Variants in HSPG2 observed in about 807,000 individuals in gnomAD.
HSPG2 encodes the protein heparan sulfate proteoglycan 2.
A neutral mutation model predicts 526.6 loss-of-function variants in HSPG2; 278 were observed. The ratio of observed to expected loss-of-function variants is 0.53; its 90% CI spans 0.48 to 0.58. HSPG2 has a LOEUF of 0.58. Among genes scored for constraint, HSPG2 ranks in the 20% least tolerant of loss-of-function variants. HSPG2 has a pLI of 0.00. For missense variants in HSPG2, 5,354 were observed against 6,099.5 expected (o/e 0.88, Z 4.07); for synonymous variants, 2,465 against 2,555.4 (o/e 0.96, Z 1.07).
chr1:21,861,892 C>T lies in HSPG2; in HGVS notation c.4869-49G>A, dbSNP rs1002890119. 56 of 1,613,376 alleles carry T rather than the reference C, an allele frequency of 3.5e-5. No individual in the cohort carries two copies. In the Middle Eastern group the frequency reaches 4.9e-4, roughly 14 times the overall value. ...AGGTCATGGGAAGCCCAATCTCCAT[C>T]TTGCTCCCTTCACTTCTGCCCCAAA... On this transcript the variant is annotated intron_variant, in intron 38 of 96. Coordinates refer to ENST00000374695, the MANE Select transcript of HSPG2 (RefSeq NM_005529.7).
At chr1:21,832,458 C>T (rs773540497) in intron 81 of HSPG2, 37 bp downstream of exon 81, 10 of 1,526,260 alleles carry the variant, frequency 6.6e-6, no homozygotes, top group African/African-American at 2.7e-5. Context: ...AGCCCTGTGT[C>T]CAGTCCCCCT....
intron 81 of HSPG2, 75 bp from the exon 82 acceptor site, chr1:21,831,871 T>G (rs1572157480): frequency 6.9e-7 from 1 of 1,456,338 alleles, no homozygotes; most frequent in Non-Finnish European, 9.3e-7. Flanking sequence ...CCCAGTTGGG[T>G]AGAGGGGTCC....
Position 21,850,029 on chromosome 1 carries a change from C to T in HSPG2, c.7446+12G>A. The T allele has an allele frequency of 2.5e-6, 4 of 1,612,594 alleles. No homozygotes were observed. The highest frequency in any genetic ancestry group is 3.4e-6 in the Non-Finnish European group (4 of 1,179,990). ...CAGGGTCCTTCAGGCTTCCTGAGCT[C>T]CTGCCTCCTACCTGGTGCCGGGCCG... On this transcript the variant is annotated intron_variant, in intron 57 of 96. Coordinates refer to ENST00000374695, the MANE Select transcript of HSPG2 (RefSeq NM_005529.7).
chr1:21,904,913 G>A lies in HSPG2; in HGVS notation c.64-8603C>T, dbSNP rs1643287874. On this transcript the variant is annotated intron_variant, in intron 1 of 96. Coordinates refer to ENST00000374695, the MANE Select transcript of HSPG2 (RefSeq NM_005529.7). This position sits in a 1 kb window ranked among gnomAD's most constrained non-coding sequence, Gnocchi z 4.4. Reference sequence around the variant, plus strand: ...AGGGCACACCAACCTGGTTGGGCCTGCCCATACCCTCCTGGGTCACTGCCC... The same window carrying A: ...AGGGCACACCAACCTGGTTGGGCCTACCCATACCCTCCTGGGTCACTGCCC... 6.6e-6 allele frequency among the ~76,000 whole-genome samples: 1 copy of A among 152,180 alleles called. No individual in the cohort carries two copies. Among genetic ancestry groups the A allele is most frequent in the Admixed American group, 6.5e-5 (1 of 15,278 alleles).
chr1:21,851,157 G>C (rs1638862107), intron 55 of HSPG2, among the ~76,000 whole-genome samples: 1 of 152,084 alleles, frequency 6.6e-6, no homozygotes, highest in Non-Finnish European at 1.5e-5. Context: ...ATTTTTAATA[G>C]AGATGGGGTT....
Position 21,844,284 on chromosome 1 carries a change from G to T in HSPG2, c.8480C>A (p.Pro2827Gln). 6.2e-7 allele frequency: 1 copy of T among 1,613,126 alleles called. No individual in the cohort carries two copies. Among genetic ancestry groups the T allele is most frequent in the Non-Finnish European group, 8.5e-7 (1 of 1,179,686 alleles). ...GGAGGAGGGCTCGATGCGGATGGGT[G>T]GGGCTCCACCTGGGGCTGGGGCACA... ...AVHVPAPGGA[P>Q]PIRIEPSSSR... The change falls in exon 65 of 97, where the codon CCA (proline) becomes CAA (glutamine). Residue 2827 changes from proline to glutamine, a missense_variant. Coordinates refer to ENST00000374695, the MANE Select transcript of HSPG2 (RefSeq NM_005529.7).
At position 21,862,098 on chromosome 1, in the gene HSPG2, G is replaced by T; in HGVS notation, c.4758C>A (p.Ala1586=). The T allele has an allele frequency of 6.2e-7, 1 of 1,613,266 alleles. No individual in the cohort carries two copies. ...CACAAAGCTCGCAGAACTCCCCTGC[G>T]GCGTTGTGCTGGCATTGCTGCAGGG... ...TGACSQCQHN[A]AGEFCELCAP... is the part of the protein sequence containing the mutation. The change falls in exon 38 of 97, where the codon GCC becomes GCA. Residue 1586 remains alanine (A), a synonymous_variant. Transcript: ENST00000374695.
chr1:21,892,114 A>G (rs552300064), intron 3 of HSPG2, among the ~76,000 whole-genome samples: 1 of 152,378 alleles, frequency 6.6e-6, no homozygotes, highest in South Asian at 2.1e-4. Flanking sequence ...TACTCTGTCC[A>G]TCAGGCCCGC....
At chr1:21,845,027 CATGA>C (rs1191439933) in intron 64 of HSPG2, among the ~76,000 whole-genome samples, 1 of 152,202 alleles carries the variant, frequency 6.6e-6, no homozygotes, top group Non-Finnish European at 1.5e-5. Flanking sequence ...CTGGGCGGAT[CATGA>C]GGTCAGGAGT....
At chr1:21,873,268 A>G in intron 30 of HSPG2, 107 bp downstream of exon 30, 1 of 1,358,902 alleles carries the variant, frequency 7.4e-7, no homozygotes, top group African/African-American at 1.4e-5. Context: ...CAGATGAAGA[A>G]ACAGGCTCGG....
In HSPG2 at chr1:21,846,103, C is replaced by T; in HGVS notation, c.8464+5G>A. 2.5e-6 allele frequency: 4 copies of T among 1,612,296 alleles called. No homozygotes were observed. Among genetic ancestry groups the T allele is most frequent in the Admixed American group, 1.7e-5 (1 of 60,028 alleles). ...GCCTTCCCGTCCCACTGCAGGGACCCTCACCGGGGACGTGGACAGCACTTG... is the reference window on the plus strand; with the variant it reads ...GCCTTCCCGTCCCACTGCAGGGACCTTCACCGGGGACGTGGACAGCACTTG... On this transcript the variant is annotated splice_donor_5th_base_variant and intron_variant, in intron 64 of 96. Coordinates refer to ENST00000374695, the MANE Select transcript of HSPG2 (RefSeq NM_005529.7).
Position 21,848,120 on chromosome 1 carries a change from T to A in HSPG2, c.7738-27A>T. The A allele has an allele frequency of 6.4e-7, 1 of 1,558,864 alleles. No homozygotes were observed. Among genetic ancestry groups the A allele is most frequent in the Non-Finnish European group, 8.7e-7 (1 of 1,153,068 alleles). ...TGCAGGAAGCAGATGGCAGGAGGTA[T>A]GGCAGTAGGTGTGGGCAGCTCCTCC... On this transcript the variant is annotated intron_variant, in intron 59 of 96. Transcript: ENST00000374695. The surrounding 1 kb of genome is among the most constrained non-coding windows in gnomAD (Gnocchi z 4.9).
At chr1:21,929,008 C>G (rs1327927661) in intron 1 of HSPG2, among the ~76,000 whole-genome samples, 1 of 152,052 alleles carries the variant, frequency 6.6e-6, no homozygotes, top group African/African-American at 2.4e-5. Flanking sequence ...GATCCGCCCG[C>G]CTTGGCCTCC....
chr1:21,905,466 G>T (rs1194173447), intron 1 of HSPG2, among the ~76,000 whole-genome samples: 4 of 152,140 alleles, frequency 2.6e-5, no homozygotes, highest in Non-Finnish European at 5.9e-5. Context: ...AGCCGCGCAT[G>T]GTCGGTGCCT....
At chr1:21,826,400 C>T (rs922077721) in intron 91 of HSPG2, among the ~76,000 whole-genome samples, 10 of 151,882 alleles carry the variant, frequency 6.6e-5, no homozygotes, top group African/African-American at 2.2e-4. Flanking sequence ...GACAGGATTT[C>T]GCCTTGTTGC....
In HSPG2 at chr1:21,839,347, G is replaced by C. The variant is rs370352859; in HGVS notation, c.9889+24C>G. 1 of 1,607,058 alleles carries C rather than the reference G, an allele frequency of 6.2e-7. No individual in the cohort carries two copies. Among genetic ancestry groups the C allele is most frequent in the Non-Finnish European group, 8.5e-7 (1 of 1,179,316 alleles). The stretch of plus-strand genomic sequence containing the variant: ...GGGGCTCAGATCTCCATTTGGTGCA[G>C]ACAAAGAAGGGATGAGGCCTTACTC... On this transcript the variant is annotated intron_variant, in intron 73 of 96. Coordinates refer to ENST00000374695, the MANE Select transcript of HSPG2 (RefSeq NM_005529.7). The surrounding 1 kb of genome is among the most constrained non-coding windows in gnomAD (Gnocchi z 4.5).
chr1:21,841,352 C>T (rs2098047772), intron 70 of HSPG2, 67 bp from the exon 71 acceptor site: 2 of 1,599,146 alleles, frequency 1.3e-6, no homozygotes, highest in Non-Finnish European at 8.6e-7. Context: ...ACTGCCATGG[C>T]CTCCAGCTTA....
At chr1:21,876,764 A>G (rs1641100572) in intron 21 of HSPG2, 112 bp from the exon 22 acceptor site, 2 of 1,449,038 alleles carry the variant, frequency 1.4e-6, no homozygotes, top group Non-Finnish European at 1.9e-6. Context: ...GGAGCCACTG[A>G]AAGAGCACAT....
At position 21,887,701 on chromosome 1, in the gene HSPG2, G is replaced by C. The variant is rs1234570300; in HGVS notation, c.704-27C>G. ...TGTGGATAGATTCCGCTTGGCATTTGGCAGAAGCAGATGGCTCCTCACCTG... is the reference window on the plus strand; with the variant it reads ...TGTGGATAGATTCCGCTTGGCATTTCGCAGAAGCAGATGGCTCCTCACCTG... On this transcript the variant is annotated intron_variant, in intron 7 of 96. Transcript: ENST00000374695. This position sits in a 1 kb window ranked among gnomAD's most constrained non-coding sequence, Gnocchi z 5.0. 6.2e-7 allele frequency: 1 copy of C among 1,613,784 alleles called. No homozygotes were observed. Among genetic ancestry groups the C allele is most frequent in the South Asian group, 1.1e-5 (1 of 91,058 alleles).
Sources: allele counts gnomAD v4.1 joint callset (sites outside exome capture counted in the v4.1 genomes callset), GRCh38; gene constraint gnomAD v4.1.1; non-coding constraint Gnocchi (gnomAD v3.1); transcripts MANE v1.5; gene names NCBI Gene and HGNC (gene_info 2026-07-23, HGNC 2026-07-21).